Variants in RARS1 observed in about 807,000 individuals in gnomAD.
RARS1 encodes arginine--tRNA ligase, cytoplasmic.
In RARS1, 75 loss-of-function variants were observed where a neutral mutation model predicts 78.7. The ratio of observed to expected loss-of-function variants is 0.95; its 90% confidence interval spans 0.79 to 1.15. RARS1 has a LOEUF of 1.15. Among genes scored for constraint, RARS1 ranks in the 50% most tolerant of loss-of-function variants. The pLI is 0.00. For synonymous variants in RARS1, 273 were observed against 268.2 expected, an observed-to-expected ratio of 1.02 and a Z score of -0.18; for missense variants, 787 against 787.5, an observed-to-expected ratio of 1.00 and a Z score of 0.01.
At chr5:168,496,089 G>C (rs1353918292) in intron 6 of RARS1, among the ~76,000 whole-genome samples, 2 of 152,032 alleles carry the variant, frequency 1.3e-5, no homozygotes, top group Non-Finnish European at 2.9e-5. Flanking sequence ...GACTATAACA[G>C]TAAGTGTTAG....
In RARS1 at chr5:168,495,377, A is replaced by G; in HGVS notation, c.642A>G (p.Ser214=). 3 of 1,614,086 alleles carry G rather than the reference A, an allele frequency of 1.9e-6. No homozygotes were observed. Among genetic ancestry groups the G allele is most frequent in the Non-Finnish European group, 2.5e-6 (3 of 1,179,972 alleles). Reference sequence around the variant, plus strand: ...AGATGCATGTAGGCCACCTGAGGTCAACTATCATAGGAGAGAGTATAAGCC... The same window carrying G: ...AGATGCATGTAGGCCACCTGAGGTCGACTATCATAGGAGAGAGTATAAGCC... ...AKEMHVGHLR[S]TIIGESISRL... The change falls in exon 6 of 15, where the codon TCA becomes TCG. Residue 214 remains serine, a synonymous_variant. Coordinates refer to ENST00000231572, the MANE Select transcript of RARS1 (RefSeq NM_002887.4).
intron 9 of RARS1, among the ~76,000 whole-genome samples, chr5:168,502,969 C>G (rs1344786809): frequency 2.0e-5 from 3 of 152,142 alleles, no homozygotes; most frequent in Non-Finnish European, 4.4e-5. Context: ...AGAAACTGGG[C>G]TATTTGTCCT....
intron 7 of RARS1, among the ~76,000 whole-genome samples, chr5:168,498,595 A>G (rs1242504808): frequency 6.6e-6 from 1 of 152,128 alleles, no homozygotes; most frequent in Non-Finnish European, 1.5e-5. Context: ...TTAATCCTTT[A>G]TTAGGATTTT....
At chr5:168,500,200 C>CAAAAAA (rs36015007) in intron 7 of RARS1, among the ~76,000 whole-genome samples, 6 of 47,774 alleles carry the variant, frequency 1.3e-4, no homozygotes, top group African/African-American at 2.7e-4. Flanking sequence ...GACTCTGTCT[C>CAAAAAA]AAAAAAAAAA....
intron 4 of RARS1, chr5:168,494,283 C>G: frequency 2.0e-6 from 2 of 985,410 alleles, no homozygotes; most frequent in Non-Finnish European, 2.4e-6. Context: ...GCACAAGGGC[C>G]TTCTGTTTTC....
intron 2 of RARS1, among the ~76,000 whole-genome samples, chr5:168,491,561 G>A (rs1758084779): frequency 1.3e-5 from 2 of 152,060 alleles, no homozygotes; most frequent in African/African-American, 2.4e-5. Flanking sequence ...TGATAGAGAG[G>A]GCTGATGAGG....
chr5:168,497,270 C>T lies in RARS1; in HGVS notation c.744C>T (p.Leu248=), dbSNP rs757879809. The T allele has an allele frequency of 6.3e-7, 1 of 1,590,510 alleles. No homozygotes were observed. The highest frequency in any genetic ancestry group is 1.7e-5 in the Admixed American group (1 of 57,460). The change falls in exon 7 of 15, where the codon CTC becomes CTT. Residue 248 remains leucine (L), a synonymous_variant. Coordinates refer to ENST00000231572, the MANE Select transcript of RARS1 (RefSeq NM_002887.4). ...ACTGGGGGACCCAGTTTGGCATGCT[C>T]ATCGCTCACCTGCAAGACAAATTTC... The part of the protein sequence containing the change: ...VGDWGTQFGM[L]IAHLQDKFPD...
intron 2 of RARS1, among the ~76,000 whole-genome samples, chr5:168,492,102 G>A (rs1758099375): frequency 6.6e-6 from 1 of 152,050 alleles, no homozygotes; most frequent in South Asian, 2.1e-4. Flanking sequence ...GATAAGTGCA[G>A]TAATAGAGAT....
intron 8 of RARS1, 107 bp from the exon 9 acceptor site, chr5:168,501,894 C>A: frequency 7.1e-7 from 1 of 1,412,132 alleles, no homozygotes; most frequent in African/African-American, 1.5e-5. Context: ...AATTAATTTC[C>A]TTTTAATATT....
At chr5:168,507,153 A>G (rs1260969117) in intron 11 of RARS1, among the ~76,000 whole-genome samples, 1 of 152,218 alleles carries the variant, frequency 6.6e-6, no homozygotes, top group African/African-American at 2.4e-5. Flanking sequence ...CTATTCAACA[A>G]TATAGCTTAT....
At chr5:168,516,661 A>C in intron 12 of RARS1, 117 bp from the exon 13 acceptor site, 1 of 967,802 alleles carries the variant, frequency 1.0e-6, no homozygotes, top group South Asian at 1.7e-5. Flanking sequence ...TGTTTATTAA[A>C]GTTTATTGGT....
chr5:168,517,101 G>C, intron 13 of RARS1, 151 bp downstream of exon 13: 4 of 787,166 alleles, frequency 5.1e-6, no homozygotes, highest in Non-Finnish European at 6.0e-6. Flanking sequence ...TGGGATTACT[G>C]ACATACCACC....
chr5:168,512,546 T>C (rs1758584808), intron 12 of RARS1, among the ~76,000 whole-genome samples: 1 of 152,196 alleles, frequency 6.6e-6, no homozygotes, highest in African/African-American at 2.4e-5. Context: ...GGGATGTTTA[T>C]TAAGTATTAA....
intron 12 of RARS1, among the ~76,000 whole-genome samples, chr5:168,516,391 C>T (rs977822494): frequency 6.6e-6 from 1 of 152,052 alleles, no homozygotes. Context: ...TTATTTAACG[C>T]TAACTTTTTG....
intron 9 of RARS1, among the ~76,000 whole-genome samples, 182 bp from the exon 10 acceptor site, chr5:168,505,839 A>G (rs767756647): frequency 3.7e-4 from 56 of 152,108 alleles, no homozygotes; most frequent in Non-Finnish European, 6.5e-4. Flanking sequence ...GATGGTTAAC[A>G]TTTTCCAAGG....
chr5:168,507,894 A>C (rs1274564272), intron 11 of RARS1, among the ~76,000 whole-genome samples: 1 of 150,326 alleles, frequency 6.7e-6, no homozygotes, highest in African/African-American at 2.4e-5. Context: ...AAAAAAAAAA[A>C]CTTAGCCAGG....
At chr5:168,502,384 A>ATATTTTTTTTTTTTTTTT (rs1280220276) in intron 9 of RARS1, among the ~76,000 whole-genome samples, 2 of 127,246 alleles carry the variant, frequency 1.6e-5, no homozygotes, top group African/African-American at 6.3e-5. Context: ...ATATATATAT[A>ATATTTTTTTTTTTTTTTT]TTTTTTTTTT....
At position 168,506,186 on chromosome 5, in the gene RARS1, T is replaced by C. The variant is rs1402875392; in HGVS notation, c.1223T>C (p.Val408Ala). 1 of 1,568,194 alleles carries C rather than the reference T, an allele frequency of 6.4e-7. No homozygotes were observed. Among genetic ancestry groups the C allele is most frequent in the Admixed American group, 1.9e-5 (1 of 51,340 alleles). The change falls in exon 10 of 15, where the codon GTG becomes GCG. Residue 408 changes from valine (V) to alanine (A), a missense_variant. Transcript: ENST00000231572. ...EEKADMIIYV[V>A]DNGQSVHFQT... ...AAAGCAGATATGATTATCTATGTTGTGGACAATGGACAAGTGAGTTTGTAA... is the reference window on the plus strand; with the variant it reads ...AAAGCAGATATGATTATCTATGTTGCGGACAATGGACAAGTGAGTTTGTAA...
In RARS1 at chr5:168,518,067, GTGTCT is replaced by G; in HGVS notation, c.1873+7_1873+11del. The G allele has an allele frequency of 1.3e-6, 1 of 782,170 alleles. No homozygotes were observed. Among genetic ancestry groups the G allele is most frequent in the Non-Finnish European group, 1.7e-6 (1 of 604,660 alleles). 48.5% of individuals were successfully genotyped at this position (782,170 alleles called of 1,614,324 possible). On this transcript the variant is annotated splice_donor_region_variant and intron_variant, in intron 14 of 14. Coordinates refer to ENST00000231572, the MANE Select transcript of RARS1 (RefSeq NM_002887.4). ...TGGAGAAAGATAGACAGACTGGTGA[GTGTCT>G]TTTTTTTTTTTTTTTTTTTTTTTAG...
Sources: gnomAD v4.1 joint callset for allele counts (sites outside exome capture counted in the v4.1 genomes callset) on GRCh38, gnomAD v4.1.1 for gene constraint, MANE v1.5 for transcripts, NCBI Gene and HGNC (gene_info 2026-07-23, HGNC 2026-07-21) for gene names.